Variants in LCK observed in about 807,000 individuals in gnomAD.
LCK encodes the protein tyrosine-protein kinase Lck.
In LCK, 14 loss-of-function variants were observed where a neutral mutation model predicts 64.6. The observed-to-expected ratio is 0.22, with a 90% CI of 0.14 to 0.34. The LOEUF (loss-of-function observed/expected upper bound fraction) is 0.34. LCK is among the 10% of genes least tolerant of loss of function. The probability of loss-of-function intolerance (pLI) is 1.00; values close to 1 mark genes in which losing one functional copy is unlikely to be tolerated. For missense variants in LCK, 434 were observed against 668.1 expected (o/e 0.65, Z 3.86); for synonymous variants, 277 against 263.6 (o/e 1.05, Z -0.49).
intron 12 of LCK, among the ~76,000 whole-genome samples, chr1:32,285,129 C>T (rs1640576161): frequency 1.3e-5 from 2 of 152,032 alleles, no homozygotes; most frequent in African/African-American, 2.4e-5. Flanking sequence ...ATGGAGAAAC[C>T]CGTCTCTACT....
rs530009359 is a variant in LCK, at chr1:32,267,488, C to T, written c.-5-6837C>T. The stretch of plus-strand genomic sequence containing the variant: ...TAAGAAACAGGAGTCGAGCTGGGCA[C>T]GGTGGCTCACGTCTGTAGTCCCAGC... On this transcript the variant is annotated intron_variant, in intron 1 of 12. Transcript: ENST00000336890. Among the ~76,000 whole-genome samples the T allele has an allele frequency of 3.9e-4, 60 of 152,178 alleles. No individual in the cohort carries two copies. The East Asian group carries it at 5.0e-3, about 13-fold the overall frequency.
At chr1:32,282,324 G>A (rs1255059471) in intron 12 of LCK, among the ~76,000 whole-genome samples, 2 of 152,172 alleles carry the variant, frequency 1.3e-5, no homozygotes, top group African/African-American at 4.8e-5. Context: ...TATAGCATTA[G>A]GGTCAGGGAG....
chr1:32,267,090 G>T (rs1046910808), intron 1 of LCK, among the ~76,000 whole-genome samples: 2 of 151,462 alleles, frequency 1.3e-5, no homozygotes, highest in African/African-American at 4.9e-5. Context: ...TCACAAAACA[G>T]CTCAGCTTAT....
intron 1 of LCK, chr1:32,269,214 A>ATCAC (rs1640012545): frequency 6.6e-6 from 1 of 151,514 alleles, no homozygotes; most frequent in South Asian, 2.1e-4. Context: ...AGGTGGGTGG[A>ATCAC]TCACTTGAGG....
At chr1:32,272,637 G>GAGAA (rs1640118850) in intron 1 of LCK, among the ~76,000 whole-genome samples, 1 of 140,442 alleles carries the variant, frequency 7.1e-6, no homozygotes, top group Non-Finnish European at 1.5e-5. Context: ...GAGAGAGAGA[G>GAGAA]AGAGAGAGAG....
intron 1 of LCK, among the ~76,000 whole-genome samples, chr1:32,273,299 AGT>A (rs1309250437): frequency 2.6e-4 from 35 of 133,288 alleles, no homozygotes; most frequent in African/African-American, 7.5e-4. Flanking sequence ...TTTATGTGAA[AGT>A]GTGTGTGTGT....
chr1:32,283,480 G>A (rs1640523266), intron 12 of LCK, among the ~76,000 whole-genome samples: 1 of 152,062 alleles, frequency 6.6e-6, no homozygotes, highest in Non-Finnish European at 1.5e-5. Context: ...TTGTTCAGAA[G>A]ACTGAAGGAG....
intron 3 of LCK, 72 bp downstream of exon 3, chr1:32,274,890 A>G: frequency 6.2e-7 from 1 of 1,612,990 alleles, no homozygotes; most frequent in Non-Finnish European, 8.5e-7. Flanking sequence ...CCTCTCCCCC[A>G]CCTACTTTCT....
intron 1 of LCK, among the ~76,000 whole-genome samples, chr1:32,262,486 G>T (rs1307522115): frequency 3.3e-5 from 5 of 149,928 alleles, no homozygotes; most frequent in Non-Finnish European, 7.4e-5. Flanking sequence ...GCAATGGCGC[G>T]ATCTCGGCTC....
chr1:32,259,933 G>T (rs985374557), intron 1 of LCK, among the ~76,000 whole-genome samples: 3 of 152,028 alleles, frequency 2.0e-5, no homozygotes, highest in African/African-American at 7.2e-5. Context: ...AATAGCTAAG[G>T]CTCTTTATTG....
chr1:32,279,217 T>C (rs1640374330), intron 9 of LCK, among the ~76,000 whole-genome samples: 1 of 152,100 alleles, frequency 6.6e-6, no homozygotes, highest in Non-Finnish European at 1.5e-5. Context: ...GGCTTCCTAG[T>C]GGGGCAGTCT....
intron 1 of LCK, among the ~76,000 whole-genome samples, chr1:32,267,677 C>A (rs893841196): frequency 1.3e-4 from 20 of 151,894 alleles, no homozygotes; most frequent in Non-Finnish European, 2.2e-4. Flanking sequence ...GGGCAGATCA[C>A]CTGAGGTCGA....
intron 1 of LCK, among the ~76,000 whole-genome samples, chr1:32,262,344 T>C (rs1338166711): frequency 6.8e-6 from 1 of 147,902 alleles, no homozygotes; most frequent in Non-Finnish European, 1.5e-5. Flanking sequence ...CTGCTAAAAA[T>C]ACAAAAATCA....
chr1:32,260,303 G>A (rs1639735436), intron 1 of LCK, among the ~76,000 whole-genome samples: 1 of 152,048 alleles, frequency 6.6e-6, no homozygotes, highest in Non-Finnish European at 1.5e-5. Context: ...GAACCACTGC[G>A]CCTGGCCTTT....
chr1:32,259,687 G>A (rs527966348), intron 1 of LCK, among the ~76,000 whole-genome samples: 4 of 151,996 alleles, frequency 2.6e-5, no homozygotes, highest in South Asian at 2.1e-4. Flanking sequence ...GCACATGCCT[G>A]TTGTCCCAGT....
chr1:32,258,752 T>C (rs1172460924), intron 1 of LCK, among the ~76,000 whole-genome samples: 7 of 136,974 alleles, frequency 5.1e-5, no homozygotes, highest in African/African-American at 2.0e-4. Flanking sequence ...TGCAGTGAGC[T>C]GAGATCACGT....
intron 1 of LCK, among the ~76,000 whole-genome samples, chr1:32,266,614 ACCT>A (rs1639918516): frequency 1.3e-5 from 1 of 76,062 alleles, no homozygotes; most frequent in South Asian, 5.5e-4. Context: ...CGCCACCACC[ACCT>A]CCTCTCCTCC....
At chr1:32,280,272 C>A in intron 12 of LCK, 62 bp downstream of exon 12, 1 of 1,592,964 alleles carries the variant, frequency 6.3e-7, no homozygotes, top group South Asian at 1.1e-5. Flanking sequence ...TCTTCCCATT[C>A]AATTCTTTCC....
chr1:32,251,934 GAGA>G lies in LCK; in HGVS notation c.-6+564_-6+566del, dbSNP rs1639518781. ...AGAGAGAGAGAGAGAGAGAGAGAGA[GAGA>G]CAGAGATCACCCAAGGCATCCAGAT... On this transcript the variant is annotated intron_variant, in intron 1 of 12. Coordinates refer to ENST00000336890, the MANE Select transcript of LCK (RefSeq NM_005356.5). This position sits in a 1 kb window ranked among gnomAD's most constrained non-coding sequence, Gnocchi z 4.0. 2.7e-5 allele frequency among the ~76,000 whole-genome samples: 4 copies of G among 146,706 alleles called. No homozygotes were observed. In the East Asian group the frequency reaches 6.3e-4, roughly 23 times the overall value.
Sources: allele counts gnomAD v4.1 joint callset (sites outside exome capture counted in the v4.1 genomes callset), GRCh38; gene constraint gnomAD v4.1.1; non-coding constraint Gnocchi (gnomAD v3.1); transcripts MANE v1.5; gene names NCBI Gene and HGNC (gene_info 2026-07-23, HGNC 2026-07-21).